ABCC2: variants seen among roughly 807,000 people sequenced by gnomAD.
ABCC2 encodes the protein ATP-binding cassette sub-family C member 2.
Under a neutral mutation model 173.4 loss-of-function variants are expected in ABCC2, and 157 were observed. The observed-to-expected ratio is 0.91, with a 90% CI of 0.80 to 1.03. The LOEUF (loss-of-function observed/expected upper bound fraction) is 1.03. Ranked by LOEUF, ABCC2 falls within the 50% of genes least tolerant of loss-of-function variation. ABCC2 has a pLI of 0.00. For missense variants in ABCC2, 1,822 were observed against 1,852.3 expected, an observed-to-expected ratio of 0.98 and a Z score of 0.30; for synonymous variants, 657 against 693.5, an observed-to-expected ratio of 0.95 and a Z score of 0.83.
intron 11 of ABCC2, among the ~76,000 whole-genome samples, 159 bp downstream of exon 11, chr10:99,805,606 G>A (rs76471910): frequency 0.011 from 1,732 of 152,154 alleles, 30 homozygotes; most frequent in Middle Eastern, 0.041. Context: ...CAGGTCCTCC[G>A]TTGAACCCCA....
At chr10:99,824,170 T>C (rs1484215586) in intron 19 of ABCC2, among the ~76,000 whole-genome samples, 5 of 152,168 alleles carry the variant, frequency 3.3e-5, no homozygotes, top group African/African-American at 1.2e-4. Context: ...CCTCTTAAGA[T>C]AGAGAACAAA....
At chr10:99,792,488 A>G in intron 3 of ABCC2, 129 bp downstream of exon 3, 1 of 1,438,092 alleles carries the variant, frequency 7.0e-7, no homozygotes, top group South Asian at 1.2e-5. Context: ...ATAGTGAGGC[A>G]AAGCTTGGTT....
At chr10:99,841,937 C>T in intron 25 of ABCC2, 30 bp from the exon 26 acceptor site, 1 of 1,614,050 alleles carries the variant, frequency 6.2e-7, no homozygotes, top group Non-Finnish European at 8.5e-7. Flanking sequence ...TGATCAGTGA[C>T]ACGCACTCTC....
chr10:99,784,523 G>T, intron 1 of ABCC2, 85 bp from the exon 2 acceptor site: 1 of 1,388,154 alleles, frequency 7.2e-7, no homozygotes, highest in Non-Finnish European at 1.0e-6. Flanking sequence ...AATTTAAATT[G>T]TGTGAAAGCA....
At chr10:99,801,961 C>G in intron 9 of ABCC2, among the ~76,000 whole-genome samples, 1 of 152,148 alleles carries the variant, frequency 6.6e-6, no homozygotes, top group East Asian at 1.9e-4. Context: ...TGGAATTTGC[C>G]TTCCTCCAGT....
intron 24 of ABCC2, among the ~76,000 whole-genome samples, chr10:99,834,991 G>A (rs895949426): frequency 2.0e-5 from 3 of 152,152 alleles, no homozygotes; most frequent in Admixed American, 1.3e-4. Context: ...TTTTTACTTC[G>A]GCAAAGTTCT....
intron 16 of ABCC2, among the ~76,000 whole-genome samples, chr10:99,816,708 G>A (rs1427279143): frequency 6.6e-6 from 1 of 152,198 alleles, no homozygotes; most frequent in Non-Finnish European, 1.5e-5. Context: ...GAGAAGGTGA[G>A]CGGCGAGCGA....
intron 19 of ABCC2, among the ~76,000 whole-genome samples, chr10:99,821,094 C>T (rs28532665): frequency 0.61 from 92,866 of 151,992 alleles, 28,571 homozygotes; most frequent in East Asian, 0.78. Flanking sequence ...CAGACAAACA[C>T]GTGAACAAAG....
intron 2 of ABCC2, among the ~76,000 whole-genome samples, chr10:99,791,167 G>A (rs1047658250): frequency 1.3e-5 from 2 of 152,176 alleles, no homozygotes; most frequent in African/African-American, 4.8e-5. Flanking sequence ...CAGCAGTTTG[G>A]GAGGCCGAGG....
intron 2 of ABCC2, among the ~76,000 whole-genome samples, chr10:99,786,331 T>C (rs972608378): frequency 1.3e-5 from 2 of 152,180 alleles, no homozygotes; most frequent in African/African-American, 4.8e-5. Flanking sequence ...ATGTTAGACT[T>C]TGAACATTCT....
intron 25 of ABCC2, among the ~76,000 whole-genome samples, chr10:99,839,294 C>T (rs2038892758): frequency 1.8e-5 from 2 of 114,170 alleles, no homozygotes; most frequent in African/African-American, 6.5e-5. Context: ...GGGCTCCTCA[C>T]TTCCCAGTAG....
chr10:99,837,430 G>A (rs2133127652), intron 25 of ABCC2, among the ~76,000 whole-genome samples: 2 of 30,068 alleles, frequency 6.7e-5, no homozygotes, highest in East Asian at 1.2e-3. Context: ...AGCCACCACA[G>A]CTGGCCTGGG....
At position 99,804,162 on chromosome 10, in the gene ABCC2, T is replaced by G; in HGVS notation, c.1353T>G (p.Ser451=). The part of the protein sequence containing the change: ...LWSSVLQIVL[S]IFFLWRELGP... ...CAAGTGTTCTACAGATTGTCTTATC[T>G]ATCTTCTTCCTATGGAGAGAGTTGG... is the stretch of plus-strand genomic sequence containing the variant. Residue 451 remains serine (S), a synonymous_variant, in exon 10 of 32, where the codon TCT becomes TCG. Transcript: ENST00000647814. 4 of 1,614,192 alleles carry G rather than the reference T, an allele frequency of 2.5e-6. No homozygotes were observed. The highest frequency in any genetic ancestry group is 3.4e-6 in the Non-Finnish European group (4 of 1,180,034).
intron 5 of ABCC2, 131 bp downstream of exon 5, chr10:99,794,130 AC>A (rs1354723280): frequency 4.9e-6 from 4 of 817,774 alleles, no homozygotes; most frequent in Non-Finnish European, 7.6e-6. Flanking sequence ...CCATTTTATG[AC>A]AAGGAAACAG....
In ABCC2 at chr10:99,782,710, G is replaced by T; in HGVS notation, c.-135G>T. 1 of 1,034,886 alleles carries T rather than the reference G, an allele frequency of 9.7e-7. No individual in the cohort carries two copies. Among genetic ancestry groups the T allele is most frequent in the South Asian group, 1.4e-5 (1 of 74,064 alleles). The allele number at this position is 1,034,886 out of a possible 1,614,324, so 64.1% of individuals were successfully genotyped here. A position where few individuals can be genotyped will look rare whatever the true frequency, so the allele number is the denominator to read the frequency against. ...AGGTTAACGATTAAATGGTTGGGAT[G>T]AAAGGTCATCCTTTACGGAGAACAT... On this transcript the variant is annotated 5_prime_UTR_variant, in exon 1 of 32. The change abolishes an upstream ATG in the 5' untranslated region. Transcript: ENST00000647814.
intron 19 of ABCC2, among the ~76,000 whole-genome samples, 159 bp from the exon 20 acceptor site, chr10:99,830,148 A>G (rs906735212): frequency 6.6e-6 from 1 of 152,208 alleles, no homozygotes; most frequent in African/African-American, 2.4e-5. Flanking sequence ...ACTAATAACT[A>G]TGTATGGAGT....
chr10:99,822,436 C>T (rs1295357786), intron 19 of ABCC2, among the ~76,000 whole-genome samples: 1 of 151,456 alleles, frequency 6.6e-6, no homozygotes, highest in African/African-American at 2.4e-5. Context: ...GTGGTGTCTC[C>T]GTCTCCGCGG....
At chr10:99,808,254 C>T in intron 13 of ABCC2, 25 bp downstream of exon 13, 1 of 1,613,430 alleles carries the variant, frequency 6.2e-7, no homozygotes, top group Non-Finnish European at 8.5e-7. Flanking sequence ...TCACTGCTAA[C>T]TCCCTGTCTC....
At chr10:99,834,692 A>C (rs1246915189) in intron 24 of ABCC2, among the ~76,000 whole-genome samples, 157 bp downstream of exon 24, 1 of 152,208 alleles carries the variant, frequency 6.6e-6, no homozygotes, top group East Asian at 1.9e-4. Flanking sequence ...CCAGGAGCCC[A>C]CAGGCCACTG....
Sources: allele counts gnomAD v4.1 joint callset (sites outside exome capture counted in the v4.1 genomes callset), GRCh38; gene constraint gnomAD v4.1.1; transcripts MANE v1.5; gene names NCBI Gene and HGNC (gene_info 2026-07-23, HGNC 2026-07-21).